The following CA10 variants were observed in gnomAD, a reference collection of about 807,000 sequenced individuals.
CA10 encodes carbonic anhydrase-related protein 10.
Under a neutral mutation model 44.2 loss-of-function variants are expected in CA10, and 14 were observed. The observed-to-expected ratio is 0.32, with a 90% CI of 0.21 to 0.50. The LOEUF is 0.50. Ranked by LOEUF, CA10 falls within the 20% of genes least tolerant of loss-of-function variation. CA10 has a pLI of 0.99. For synonymous variants in CA10, 159 were observed against 141.6 expected (o/e 1.12, Z -0.87); for missense variants, 350 against 409.7 (o/e 0.85, Z 1.26).
At chr17:51,980,969 C>G (rs994437785) in intron 2 of CA10, among the ~76,000 whole-genome samples, 1 of 152,060 alleles carries the variant, frequency 6.6e-6, no homozygotes, top group African/African-American at 2.4e-5. Context: ...ATTAAAAACA[C>G]AATTGATTAT....
intron 1 of CA10, among the ~76,000 whole-genome samples, chr17:52,137,022 ATTC>A (rs1235933794): frequency 6.6e-6 from 1 of 152,098 alleles, no homozygotes; most frequent in Non-Finnish European, 1.5e-5. Flanking sequence ...ATCTATATAA[ATTC>A]TTCTTCTGTA....
chr17:51,873,550 G>A (rs1225044325), intron 3 of CA10, among the ~76,000 whole-genome samples: 1 of 152,164 alleles, frequency 6.6e-6, no homozygotes, highest in Non-Finnish European at 1.5e-5. Flanking sequence ...CAACGTACTT[G>A]TTTGAAATGT....
At chr17:51,700,773 T>C (rs932630245) in intron 4 of CA10, among the ~76,000 whole-genome samples, 1 of 152,084 alleles carries the variant, frequency 6.6e-6, no homozygotes, top group Non-Finnish European at 1.5e-5. Flanking sequence ...CTGAGGGACA[T>C]AGATGGAGCT....
At chr17:52,086,675 C>G (rs894222734) in intron 1 of CA10, among the ~76,000 whole-genome samples, 2 of 152,178 alleles carry the variant, frequency 1.3e-5, no homozygotes, top group African/African-American at 4.8e-5. Context: ...GTTTTCCACT[C>G]CCTTAAAATG....
At chr17:52,141,840 T>C (rs1489867777) in intron 1 of CA10, among the ~76,000 whole-genome samples, 6 of 151,944 alleles carry the variant, frequency 3.9e-5, no homozygotes, top group African/African-American at 1.5e-4. Context: ...GATTGGAGAG[T>C]AAAACCCAAC....
chr17:51,823,752 G>A (rs372551353), intron 3 of CA10, among the ~76,000 whole-genome samples: 25 of 152,290 alleles, frequency 1.6e-4, no homozygotes, highest in African/African-American at 6.0e-4. Flanking sequence ...AGCTTCATAG[G>A]TAGCAGCATA....
At chr17:51,811,750 G>A (rs1907375634) in intron 3 of CA10, among the ~76,000 whole-genome samples, 1 of 152,158 alleles carries the variant, frequency 6.6e-6, no homozygotes, top group Admixed American at 6.5e-5. Flanking sequence ...AAACATATGT[G>A]TGCATGTGTC....
intron 3 of CA10, among the ~76,000 whole-genome samples, chr17:51,860,452 T>A (rs1408243224): frequency 6.6e-6 from 1 of 152,222 alleles, no homozygotes; most frequent in African/African-American, 2.4e-5. Context: ...AAATATGTGA[T>A]GTTTCTGAAT....
chr17:51,905,745 C>G (rs1357145467), intron 3 of CA10, among the ~76,000 whole-genome samples: 1 of 152,004 alleles, frequency 6.6e-6, no homozygotes, highest in Admixed American at 6.6e-5. Context: ...CCACATTACT[C>G]TAGTCAACTC....
At chr17:51,967,335 T>G (rs1189248237) in intron 2 of CA10, among the ~76,000 whole-genome samples, 1 of 149,550 alleles carries the variant, frequency 6.7e-6, no homozygotes, top group African/African-American at 2.5e-5. Flanking sequence ...TTACTGGAGA[T>G]ATATATATAT....
chr17:52,071,130 T>C (rs1987669127), intron 2 of CA10, among the ~76,000 whole-genome samples: 4 of 152,232 alleles, frequency 2.6e-5, no homozygotes. Context: ...CTTGTGCCAA[T>C]GAAATTGTTA....
In CA10 at chr17:51,959,271, GCT is replaced by G. The variant is rs1344275121; in HGVS notation, c.137-28141_137-28140del. ...CTAGGTTCCTATTGTTCTCTCTCTC[GCT>G]CTCTCTCTCTGTGTGTGTGTGTGTG... On this transcript the variant is annotated intron_variant, in intron 2 of 8. Coordinates refer to ENST00000451037, the MANE Select transcript of CA10 (RefSeq NM_020178.5). Among the ~76,000 whole-genome samples, 8 of 51,784 alleles carry G rather than the reference GCT, an allele frequency of 1.5e-4. No homozygotes were observed. The East Asian group carries it at 2.2e-3, about 14-fold the overall frequency. 34.0% of individuals were successfully genotyped at this position (51,784 alleles called of 152,430 possible). A position where few individuals can be genotyped will look rare whatever the true frequency, so the allele number is the denominator to read the frequency against.
At chr17:51,931,510 T>G (rs1982658322) in intron 2 of CA10, among the ~76,000 whole-genome samples, 1 of 152,200 alleles carries the variant, frequency 6.6e-6, no homozygotes, top group African/African-American at 2.4e-5. Flanking sequence ...TTTTCCTATC[T>G]GGCAAGAACG....
At chr17:51,668,014 T>C (rs901458246) in intron 4 of CA10, among the ~76,000 whole-genome samples, 7 of 152,188 alleles carry the variant, frequency 4.6e-5, no homozygotes, top group African/African-American at 1.7e-4. Context: ...TTTCATTCTT[T>C]CCTCCCTATC....
chr17:51,855,118 T>A (rs1978982478), intron 3 of CA10, among the ~76,000 whole-genome samples: 1 of 152,180 alleles, frequency 6.6e-6, no homozygotes, highest in Admixed American at 6.5e-5. Flanking sequence ...TGGCTCTGTG[T>A]CTTTCTGCTT....
chr17:51,944,183 C>T (rs203103), intron 2 of CA10, among the ~76,000 whole-genome samples: 81,853 of 152,112 alleles, frequency 0.54, 22,557 homozygotes, highest in African/African-American at 0.58. Flanking sequence ...TTAAAATGAA[C>T]GGTCATAATG....
chr17:51,905,226 A>G (rs1429700048), intron 3 of CA10, among the ~76,000 whole-genome samples: 10 of 152,178 alleles, frequency 6.6e-5, no homozygotes, highest in Admixed American at 6.6e-4. Flanking sequence ...GACAGCTGTC[A>G]AGGTGGAAAA....
chr17:51,869,929 A>G (rs551957970), intron 3 of CA10, among the ~76,000 whole-genome samples: 1 of 152,332 alleles, frequency 6.6e-6, no homozygotes, highest in African/African-American at 2.4e-5. Flanking sequence ...ACCCATGTTA[A>G]CATCCCTGGC....
intron 3 of CA10, among the ~76,000 whole-genome samples, chr17:51,845,765 C>T (rs207476443): frequency 6.6e-6 from 1 of 152,192 alleles, no homozygotes; most frequent in Non-Finnish European, 1.5e-5. Context: ...GCACAGAACG[C>T]TCTGTCATAT....
Sources: allele counts gnomAD v4.1 joint callset (sites outside exome capture counted in the v4.1 genomes callset), GRCh38; gene constraint gnomAD v4.1.1; transcripts MANE v1.5; gene names NCBI Gene and HGNC (gene_info 2026-07-23, HGNC 2026-07-21).